The following PRKG2 variants were observed in gnomAD, a reference collection of about 807,000 sequenced individuals.
PRKG2 encodes protein kinase cGMP-dependent 2.
PRKG2 carries 33 observed loss-of-function variants against 97.2 expected under a neutral mutation model. That is an observed-to-expected ratio of 0.34 (90% confidence interval 0.26 to 0.45). The LOEUF is 0.45. Among genes scored for constraint, PRKG2 ranks in the 20% least tolerant of loss-of-function variants. The probability of loss-of-function intolerance (pLI) is 1.00; values close to 1 mark genes in which losing one functional copy is unlikely to be tolerated. For missense variants in PRKG2, 638 were observed against 900.0 expected (o/e 0.71, Z 3.73); for synonymous variants, 330 against 321.8 (o/e 1.03, Z -0.27).
At chr4:81,193,468 A>G (rs1752719024) in intron 2 of PRKG2, 1 of 152,196 alleles carries the variant, frequency 6.6e-6, no homozygotes, top group Non-Finnish European at 1.5e-5. Flanking sequence ...CATAAAATAT[A>G]CTGCATGAGG....
intron 3 of PRKG2, 119 bp from the exon 4 acceptor site, chr4:81,171,923 G>A (rs758690204): frequency 3.1e-6 from 2 of 642,508 alleles, no homozygotes; most frequent in Non-Finnish European, 5.0e-6. Context: ...GATATTTTAT[G>A]ATTCTCATTA....
intron 8 of PRKG2, among the ~76,000 whole-genome samples, chr4:81,150,587 C>CT (rs1437008966): frequency 5.3e-5 from 8 of 152,170 alleles, no homozygotes; most frequent in Admixed American, 1.3e-4. Context: ...AATTCCCATG[C>CT]TTTTTTTATT....
chr4:81,143,064 TGCC>T, intron 10 of PRKG2, 117 bp from the exon 11 acceptor site: 2 of 1,321,878 alleles, frequency 1.5e-6, no homozygotes, highest in Non-Finnish European at 2.0e-6. Flanking sequence ...GATTTATAGT[TGCC>T]ACAAAGGCTA....
At chr4:81,203,911 A>G (rs1753478500) in intron 2 of PRKG2, among the ~76,000 whole-genome samples, 1 of 152,146 alleles carries the variant, frequency 6.6e-6, no homozygotes, top group Admixed American at 6.6e-5. Context: ...CTTCATGACA[A>G]GCCTGCTTCT....
rs375541277 is a variant in PRKG2, at chr4:81,141,008, TTTA to T, written c.1408-342_1408-340del. Among the ~76,000 whole-genome samples, 7 of 151,304 alleles carry T rather than the reference TTTA, an allele frequency of 4.6e-5. No individual in the cohort carries two copies. In the East Asian group the frequency reaches 9.7e-4, roughly 21 times the overall value. On this transcript the variant is annotated intron_variant, in intron 11 of 18. Coordinates refer to ENST00000264399, the MANE Select transcript of PRKG2 (RefSeq NM_006259.3). Reference sequence around the variant, plus strand: ...TATTCACTTTGCTTTCAAAGCAAGATTTATTATTATTATTATTATTATTTTAAG... The same window carrying T: ...TATTCACTTTGCTTTCAAAGCAAGATTTATTATTATTATTATTATTTTAAG...
intron 6 of PRKG2, among the ~76,000 whole-genome samples, chr4:81,166,187 G>C (rs1459644257): frequency 6.6e-6 from 1 of 152,050 alleles, no homozygotes; most frequent in Non-Finnish European, 1.5e-5. Context: ...AAACACTGCT[G>C]GTGTCACTTA....
intron 1 of PRKG2, among the ~76,000 whole-genome samples, chr4:81,210,463 T>C (rs1164542333): frequency 2.0e-5 from 3 of 152,114 alleles, no homozygotes; most frequent in Admixed American, 1.3e-4. Context: ...CTCAACATCA[T>C]AGGTCATTAG....
In PRKG2 at chr4:81,185,824, T is replaced by C. The variant is rs185553965; in HGVS notation, c.462-10865A>G. ...CAACAAAAAGCAAAAGTTGCAATCA[T>C]AGTCTCTGATAAAACAGACTTTAAA... On this transcript the variant is annotated intron_variant, in intron 2 of 18. Coordinates refer to ENST00000264399, the MANE Select transcript of PRKG2 (RefSeq NM_006259.3). Among the ~76,000 whole-genome samples the C allele has an allele frequency of 1.4e-3, 210 of 152,260 alleles. 2 individuals are homozygous for C. The highest frequency in any genetic ancestry group is 3.4e-3 in the Middle Eastern group (1 of 294).
chr4:81,143,057 TTATAGTTGCCACAAA>T, intron 10 of PRKG2, 110 bp from the exon 11 acceptor site: 1 of 1,349,724 alleles, frequency 7.4e-7, no homozygotes, highest in Non-Finnish European at 9.8e-7. Context: ...TAACTATGAT[TTATAGTTGCCACAAA>T]GGCTATCCCA....
chr4:81,141,887 GAAGC>G (rs1197093681), intron 11 of PRKG2, among the ~76,000 whole-genome samples: 1 of 152,184 alleles, frequency 6.6e-6, no homozygotes, highest in Non-Finnish European at 1.5e-5. Flanking sequence ...CATCAGAGAT[GAAGC>G]AAGGACTGGG....
At chr4:81,161,870 T>C (rs1444122704) in intron 6 of PRKG2, among the ~76,000 whole-genome samples, 1 of 148,900 alleles carries the variant, frequency 6.7e-6, no homozygotes, top group Admixed American at 6.7e-5. Context: ...ACCATTAAAG[T>C]CCCTTTTGCC....
intron 17 of PRKG2, among the ~76,000 whole-genome samples, chr4:81,101,534 G>A (rs982604266): frequency 1.4e-5 from 2 of 144,208 alleles, no homozygotes; most frequent in African/African-American, 5.1e-5. Context: ...CATGGACCCA[G>A]GAATGGGAAC....
rs549769629 is a variant in PRKG2 at position 81,147,204 on chromosome 4, T to C, written c.1154+1680A>G. Among the ~76,000 whole-genome samples, 8 of 152,308 alleles carry C rather than the reference T, an allele frequency of 5.3e-5. No homozygotes were observed. In the South Asian group the frequency reaches 1.7e-3, roughly 32 times the overall value. On this transcript the variant is annotated intron_variant, in intron 9 of 18. Transcript: ENST00000264399. ...ATGAATACATGAGACATTGTATAAA[T>C]ATGTGGTGTATGTGATTACAATGAA...
intron 16 of PRKG2, among the ~76,000 whole-genome samples, chr4:81,104,638 A>G (rs41279287): frequency 0.066 from 10,037 of 152,006 alleles, 514 homozygotes; most frequent in Non-Finnish European, 0.1. Flanking sequence ...TGGAGGAGCC[A>G]CAGTTAAATT....
At chr4:81,117,805 A>ATTC (rs377394572) in intron 14 of PRKG2, among the ~76,000 whole-genome samples, 1 of 122,146 alleles carries the variant, frequency 8.2e-6, no homozygotes, top group African/African-American at 4.0e-5. Flanking sequence ...AGAGAGAAGC[A>ATTC]CTTGTTACAA....
At chr4:81,167,059 G>T in intron 6 of PRKG2, 102 bp downstream of exon 6, 1 of 859,776 alleles carries the variant, frequency 1.2e-6, no homozygotes, top group Non-Finnish European at 1.8e-6. Context: ...GGTCTCTGTA[G>T]ACTGGTGCTC....
rs748642381 is a variant in PRKG2 at position 81,092,424 on chromosome 4, G to C, written c.2155C>G (p.Leu719Val). Reference sequence around the variant, plus strand: ...GGTGATGGAAGGCTCCGTGCTTTCAGTCCCTCCCAATTAAAACCATTTAAC... The same window carrying C: ...GGTGATGGAAGGCTCCGTGCTTTCACTCCCTCCCAATTAAAACCATTTAAC... ...RWLNGFNWEG[L>V]KARSLPSPLQ... is the part of the protein sequence containing the mutation. The change falls in exon 18 of 19, where the codon CTG becomes GTG. Residue 719 changes from leucine (L) to valine (V), a missense_variant. Physicochemically the swap from Leu to Val is conservative, Grantham distance 32 (BLOSUM62 1). Around this residue, in one of 3 missense-constraint regions of PRKG2, gnomAD observed 304 missense variants for 460.5 expected, o/e 0.66. Coordinates refer to ENST00000264399, the MANE Select transcript of PRKG2 (RefSeq NM_006259.3). 1 of 1,590,660 alleles carries C rather than the reference G, an allele frequency of 6.3e-7. No individual in the cohort carries two copies.
intron 1 of PRKG2, among the ~76,000 whole-genome samples, chr4:81,213,104 G>T (rs1451772844): frequency 6.6e-6 from 1 of 152,162 alleles, no homozygotes. Flanking sequence ...AGCATGCTTT[G>T]AAAAGACAGT....
upstream of PRKG2, among the ~76,000 whole-genome samples, chr4:81,216,961 CCA>C (rs1754294065): frequency 7.7e-6 from 1 of 130,142 alleles, no homozygotes; most frequent in Admixed American, 8.0e-5. Flanking sequence ...AAAAATTTTC[CCA>C]GTTTTTCAGG....
Sources: allele counts gnomAD v4.1 joint callset (sites outside exome capture counted in the v4.1 genomes callset), GRCh38; gene constraint gnomAD v4.1.1; regional missense constraint gnomAD v4.1.1; transcripts MANE v1.5; gene names NCBI Gene and HGNC (gene_info 2026-07-23, HGNC 2026-07-21).